The following DYNC1I1 variants were observed in gnomAD, a reference collection of about 807,000 sequenced individuals.
DYNC1I1 encodes dynein cytoplasmic 1 intermediate chain 1.
A neutral mutation model predicts 86.6 loss-of-function variants in DYNC1I1; 43 were observed. That is an observed-to-expected ratio of 0.50 (90% confidence interval 0.39 to 0.64). The LOEUF is 0.64. DYNC1I1 is among the 30% of genes least tolerant of loss of function. The probability of loss-of-function intolerance (pLI) is 0.00; values close to 1 mark genes in which losing one functional copy is unlikely to be tolerated. For synonymous variants in DYNC1I1, 262 were observed against 283.7 expected, an observed-to-expected ratio of 0.92 and a Z score of 0.77; for missense variants, 604 against 788.8, an observed-to-expected ratio of 0.77 and a Z score of 2.81.
intron 6 of DYNC1I1, among the ~76,000 whole-genome samples, chr7:95,968,934 C>G (rs1793093269): frequency 6.6e-6 from 1 of 151,502 alleles, no homozygotes; most frequent in African/African-American, 2.4e-5. Flanking sequence ...GCCATAAAGG[C>G]TGTGTCTTAC....
At chr7:95,947,980 C>CTT (rs35181190) in intron 6 of DYNC1I1, among the ~76,000 whole-genome samples, 5,959 of 106,744 alleles carry the variant, frequency 0.056, 466 homozygotes, top group African/African-American at 0.13. Flanking sequence ...TTGTATGTGG[C>CTT]TTTTTTTTTT....
intron 6 of DYNC1I1, among the ~76,000 whole-genome samples, chr7:95,925,462 A>T (rs916266365): frequency 1.3e-5 from 2 of 152,176 alleles, no homozygotes; most frequent in African/African-American, 4.8e-5. Flanking sequence ...ACTAATACAC[A>T]TTATCCTGTA....
At chr7:96,034,197 A>G (rs562963432) in intron 12 of DYNC1I1, among the ~76,000 whole-genome samples, 1 of 152,104 alleles carries the variant, frequency 6.6e-6, no homozygotes, top group Non-Finnish European at 1.5e-5. Context: ...TTACAATTGA[A>G]GTTCCACTAT....
intron 13 of DYNC1I1, among the ~76,000 whole-genome samples, chr7:96,037,814 C>G (rs1788903799): frequency 6.6e-6 from 1 of 152,100 alleles, no homozygotes; most frequent in Admixed American, 6.6e-5. Context: ...ATTGGTCCAT[C>G]CATCTGAAAT....
intron 6 of DYNC1I1, among the ~76,000 whole-genome samples, chr7:95,900,854 T>A (rs1031021610): frequency 1.3e-5 from 2 of 152,132 alleles, no homozygotes; most frequent in African/African-American, 4.8e-5. Flanking sequence ...AAGGAATGAG[T>A]TGCACAATAC....
chr7:95,780,248 A>G (rs1296104348), intron 1 of DYNC1I1, among the ~76,000 whole-genome samples: 4 of 151,926 alleles, frequency 2.6e-5, no homozygotes, highest in Non-Finnish European at 4.4e-5. Context: ...TCCTTTGCCT[A>G]CAATCACTTA....
In DYNC1I1 at chr7:95,915,771, T is replaced by C. The variant is rs561468144; in HGVS notation, c.490+45773T>C. On this transcript the variant is annotated intron_variant, in intron 6 of 16. Transcript: ENST00000447467. The stretch of plus-strand genomic sequence containing the variant: ...AAATGGGCTATACATTTATACGATC[T>C]AAATTCCCATATTAACAAAAAAAAT... 5.3e-3 allele frequency among the ~76,000 whole-genome samples: 801 copies of C among 152,342 alleles called. 15 individuals carry two copies. Among genetic ancestry groups the C allele is most frequent in the African/African-American group, 0.019 (778 of 41,576 alleles).
intron 5 of DYNC1I1, among the ~76,000 whole-genome samples, chr7:95,831,514 A>G (rs1052277747): frequency 6.6e-6 from 1 of 152,108 alleles, no homozygotes; most frequent in Non-Finnish European, 1.5e-5. Context: ...TTTCCTTTAG[A>G]TATATATGTC....
At chr7:95,773,472 G>A (rs1000435277) in intron 1 of DYNC1I1, among the ~76,000 whole-genome samples, 1 of 152,128 alleles carries the variant, frequency 6.6e-6, no homozygotes, top group Non-Finnish European at 1.5e-5. Context: ...AGTGATCCTG[G>A]CAGCGCTGAT....
At chr7:96,012,589 A>G (rs563677684) in intron 10 of DYNC1I1, among the ~76,000 whole-genome samples, 1 of 152,350 alleles carries the variant, frequency 6.6e-6, no homozygotes, top group South Asian at 2.1e-4. Context: ...ACATAAACTC[A>G]GGTGAACATG....
At chr7:95,940,876 G>A (rs1221303408) in intron 6 of DYNC1I1, among the ~76,000 whole-genome samples, 1 of 152,144 alleles carries the variant, frequency 6.6e-6, no homozygotes, top group Non-Finnish European at 1.5e-5. Context: ...AGAGGCACTC[G>A]CTTTTTAGAG....
chr7:95,982,430 T>C (rs1417727469), intron 7 of DYNC1I1, among the ~76,000 whole-genome samples: 1 of 152,188 alleles, frequency 6.6e-6, no homozygotes, highest in East Asian at 1.9e-4. Flanking sequence ...CAGCCATTTA[T>C]GTTTCTGTTA....
intron 5 of DYNC1I1, among the ~76,000 whole-genome samples, chr7:95,848,740 A>T (rs755580053): frequency 4.3e-4 from 66 of 152,076 alleles, no homozygotes; most frequent in Non-Finnish European, 8.4e-4. Context: ...TTGGATATTT[A>T]TCTAGTAGTG....
intron 5 of DYNC1I1, among the ~76,000 whole-genome samples, chr7:95,865,662 C>T (rs1789998815): frequency 6.6e-6 from 1 of 152,188 alleles, no homozygotes; most frequent in Non-Finnish European, 1.5e-5. Context: ...TGTATACTTA[C>T]TGTACCTTTT....
At chr7:96,046,979 A>G (rs1789235367) in intron 14 of DYNC1I1, among the ~76,000 whole-genome samples, 1 of 152,218 alleles carries the variant, frequency 6.6e-6, no homozygotes, top group Non-Finnish European at 1.5e-5. Flanking sequence ...AAAACAACTT[A>G]GAGTGGGTAA....
intron 13 of DYNC1I1, among the ~76,000 whole-genome samples, chr7:96,038,652 G>A (rs539099061): frequency 2.6e-5 from 4 of 152,264 alleles, no homozygotes; most frequent in Non-Finnish European, 5.9e-5. Flanking sequence ...ATTTACAGTG[G>A]ATATGTAAAT....
At chr7:96,025,063 C>T (rs1004465219) in intron 10 of DYNC1I1, among the ~76,000 whole-genome samples, 2 of 152,158 alleles carry the variant, frequency 1.3e-5, no homozygotes, top group African/African-American at 4.8e-5. Context: ...TATAGAATAA[C>T]AAGGCAAGGA....
At chr7:95,952,524 C>T (rs772214402) in intron 6 of DYNC1I1, among the ~76,000 whole-genome samples, 9 of 152,090 alleles carry the variant, frequency 5.9e-5, no homozygotes, top group Non-Finnish European at 1.2e-4. Context: ...ACTTTACTAG[C>T]AAAACCTAAG....
intron 6 of DYNC1I1, among the ~76,000 whole-genome samples, chr7:95,885,570 C>G (rs550369542): frequency 6.0e-4 from 92 of 152,320 alleles, no homozygotes; most frequent in African/African-American, 2.1e-3. Flanking sequence ...GCTCAACCTC[C>G]TGGGTTCAAA....
Sources: gnomAD v4.1 joint callset for allele counts (sites outside exome capture counted in the v4.1 genomes callset) on GRCh38, gnomAD v4.1.1 for gene constraint, MANE v1.5 for transcripts, NCBI Gene and HGNC (gene_info 2026-07-23, HGNC 2026-07-21) for gene names.